The following BMP6 variants were observed in gnomAD, a reference collection of about 807,000 sequenced individuals.
BMP6 encodes the protein bone morphogenetic protein 6.
A neutral mutation model predicts 54.1 loss-of-function variants in BMP6; 17 were observed. The ratio of observed to expected loss-of-function variants is 0.31; its 90% CI spans 0.22 to 0.47. The LOEUF is 0.47. Among genes scored for constraint, BMP6 ranks in the 20% least tolerant of loss-of-function variants. The probability of loss-of-function intolerance (pLI) is 1.00; values close to 1 mark genes in which losing one functional copy is unlikely to be tolerated. For missense variants in BMP6, 720 were observed against 690.4 expected, an observed-to-expected ratio of 1.04 and a Z score of -0.48; for synonymous variants, 328 against 291.2, an observed-to-expected ratio of 1.13 and a Z score of -1.28.
At chr6:7,735,110 GC>G (rs1761932838) in intron 1 of BMP6, among the ~76,000 whole-genome samples, 2 of 152,194 alleles carry the variant, frequency 1.3e-5, no homozygotes, top group African/African-American at 4.8e-5. Context: ...AGAAAACAGT[GC>G]CCCTCGGAGG....
In BMP6 at chr6:7,727,220, C is replaced by T. The variant is rs758074194; in HGVS notation, c.265C>T (p.Leu89Phe). The change falls in exon 1 of 7, where the codon CTC becomes TTC. Residue 89 changes from leucine to phenylalanine, a missense_variant. Transcript: ENST00000283147. ...MQKEILSVLG[L>F]PHRPRPLHGL... ...GAAGGAGATCTTGTCGGTGCTGGGGCTCCCGCACCGGCCCCGGCCCCTGCA... is the reference window on the plus strand; with the variant it reads ...GAAGGAGATCTTGTCGGTGCTGGGGTTCCCGCACCGGCCCCGGCCCCTGCA... 1.2e-5 allele frequency: 19 copies of T among 1,605,544 alleles called. No homozygotes were observed. Among genetic ancestry groups the T allele is most frequent in the Middle Eastern group, 1.7e-4 (1 of 6,002 alleles).
intron 1 of BMP6, among the ~76,000 whole-genome samples, chr6:7,733,039 C>T (rs1372285957): frequency 6.6e-6 from 1 of 151,766 alleles, no homozygotes; most frequent in Admixed American, 6.6e-5. Context: ...GCTGGGATTA[C>T]AGGTCTCCGC....
intron 4 of BMP6, among the ~76,000 whole-genome samples, 180 bp from the exon 5 acceptor site, chr6:7,878,894 C>T (rs575453057): frequency 2.1e-4 from 32 of 152,260 alleles, no homozygotes; most frequent in East Asian, 5.8e-4. Flanking sequence ...AAACGGATTC[C>T]GTAAGACATT....
intron 1 of BMP6, among the ~76,000 whole-genome samples, chr6:7,730,553 C>T (rs781101523): frequency 5.3e-5 from 8 of 152,310 alleles, no homozygotes; most frequent in Non-Finnish European, 8.8e-5. Flanking sequence ...AGCAGCAAGC[C>T]ATGCCACCTG....
chr6:7,812,246 A>G (rs1265814608), intron 1 of BMP6, among the ~76,000 whole-genome samples: 1 of 152,238 alleles, frequency 6.6e-6, no homozygotes, highest in East Asian at 1.9e-4. Context: ...TATAATAACT[A>G]TTTTAAATTT....
chr6:7,799,037 T>A (rs114545084), intron 1 of BMP6, among the ~76,000 whole-genome samples: 1,872 of 152,322 alleles, frequency 0.012, 14 homozygotes, highest in Middle Eastern at 0.034. Flanking sequence ...CTGGTTTTAA[T>A]TGGTCAGTAG....
intron 1 of BMP6, among the ~76,000 whole-genome samples, chr6:7,832,647 C>T (rs532931919): frequency 1.3e-5 from 2 of 151,340 alleles, no homozygotes; most frequent in South Asian, 2.1e-4. Flanking sequence ...AACATGCTTA[C>T]GAAGAGTTTG....
intron 1 of BMP6, among the ~76,000 whole-genome samples, chr6:7,775,569 A>G (rs1009885261): frequency 6.6e-6 from 1 of 152,228 alleles, no homozygotes; most frequent in African/African-American, 2.4e-5. Flanking sequence ...AGTGATTAAA[A>G]TAGGAGGAAG....
At chr6:7,821,327 T>C (rs1758607761) in intron 1 of BMP6, among the ~76,000 whole-genome samples, 1 of 152,104 alleles carries the variant, frequency 6.6e-6, no homozygotes, top group South Asian at 2.1e-4. Flanking sequence ...TGCTTCTGGG[T>C]TCTTGCATTG....
intron 1 of BMP6, among the ~76,000 whole-genome samples, chr6:7,816,850 C>T (rs908809856): frequency 5.3e-5 from 8 of 151,922 alleles, no homozygotes; most frequent in East Asian, 3.9e-4. Context: ...TAGAATGCTA[C>T]GTAGGCAGAA....
intron 1 of BMP6, among the ~76,000 whole-genome samples, chr6:7,828,118 T>C (rs138034421): frequency 8.9e-4 from 135 of 152,362 alleles, no homozygotes; most frequent in South Asian, 2.5e-3. Flanking sequence ...GTGAATTTTT[T>C]GTTAGCTTGC....
chr6:7,823,275 A>T (rs566180630), intron 1 of BMP6, among the ~76,000 whole-genome samples: 10 of 152,312 alleles, frequency 6.6e-5, no homozygotes, highest in Middle Eastern at 3.4e-3. Context: ...TATTGTACTG[A>T]TACTTCTTGA....
At chr6:7,783,394 C>T (rs1043886966) in intron 1 of BMP6, among the ~76,000 whole-genome samples, 4 of 152,160 alleles carry the variant, frequency 2.6e-5, no homozygotes, top group Non-Finnish European at 5.9e-5. Flanking sequence ...TTTATTGGGT[C>T]GCTTCAAAGG....
chr6:7,730,472 A>T (rs1366599708), intron 1 of BMP6, among the ~76,000 whole-genome samples: 1 of 152,140 alleles, frequency 6.6e-6, no homozygotes, highest in East Asian at 1.9e-4. Context: ...AGTTATAGCT[A>T]CTGTAGGTCC....
chr6:7,742,842 A>G (rs1757288299), intron 1 of BMP6, among the ~76,000 whole-genome samples: 1 of 152,170 alleles, frequency 6.6e-6, no homozygotes, highest in Non-Finnish European at 1.5e-5. Flanking sequence ...AGTTGTTTAA[A>G]ATTAAACAAC....
chr6:7,817,169 G>A (rs1310613612), intron 1 of BMP6, among the ~76,000 whole-genome samples: 1 of 152,014 alleles, frequency 6.6e-6, no homozygotes, highest in African/African-American at 2.4e-5. Context: ...GAGCTCCTTT[G>A]ATTATCATGT....
intron 2 of BMP6, among the ~76,000 whole-genome samples, chr6:7,848,548 T>C (rs4495305): frequency 0.052 from 7,944 of 152,202 alleles, 252 homozygotes; most frequent in African/African-American, 0.088. Context: ...CCCTAAAAAC[T>C]CTAGCCTCCA....
chr6:7,754,369 A>G (rs1757477927), intron 1 of BMP6, among the ~76,000 whole-genome samples: 2 of 152,226 alleles, frequency 1.3e-5, no homozygotes, highest in African/African-American at 2.4e-5. Flanking sequence ...TCGGCTTCCC[A>G]AAGCGCTGGG....
chr6:7,845,299 G>A lies in BMP6; in HGVS notation c.824G>A (p.Ser275Asn). The change falls in exon 2 of 7, where the codon AGC (serine) becomes AAC (asparagine). Residue 275 changes from serine (S) to asparagine (N), a missense_variant. By Grantham distance (46) the Ser-to-Asn change is conservative (BLOSUM62 1). Coordinates refer to ENST00000283147, the MANE Select transcript of BMP6 (RefSeq NM_001718.6). Reference protein sequence around the residue: ...GSFKNQTFLISIYQVLQEHQH... With the variant: ...GSFKNQTFLINIYQVLQEHQH... ...TTTAAAAACCAAACTTTTCTTATCA[G>A]CATTTATCAAGTCTTACAGGAGCAT... is the stretch of plus-strand genomic sequence containing the variant. 3 of 1,614,044 alleles carry A rather than the reference G, an allele frequency of 1.9e-6. No individual in the cohort carries two copies. The highest frequency in any genetic ancestry group is 2.5e-6 in the Non-Finnish European group (3 of 1,179,974).
Sources: allele counts gnomAD v4.1 joint callset (sites outside exome capture counted in the v4.1 genomes callset), GRCh38; gene constraint gnomAD v4.1.1; transcripts MANE v1.5; gene names NCBI Gene and HGNC (gene_info 2026-07-23, HGNC 2026-07-21).